Variants in KCNH7 observed in about 807,000 individuals in gnomAD.
The protein encoded by KCNH7 is potassium voltage-gated channel subfamily H member 7.
A neutral mutation model predicts 120.8 loss-of-function variants in KCNH7; 49 were observed. The observed-to-expected ratio is 0.41, with a 90% CI of 0.32 to 0.51. KCNH7 has a LOEUF of 0.51. Among genes scored for constraint, KCNH7 ranks in the 20% least tolerant of loss-of-function variants. KCNH7 has a pLI of 0.38. For missense variants in KCNH7, 1,097 were observed against 1,446.6 expected (o/e 0.76, Z 3.92); for synonymous variants, 547 against 516.1 (o/e 1.06, Z -0.81).
chr2:162,592,824 A>C (rs545917423), intron 2 of KCNH7, among the ~76,000 whole-genome samples: 3 of 152,104 alleles, frequency 2.0e-5, no homozygotes, highest in Non-Finnish European at 4.4e-5. Flanking sequence ...TTACAAATAG[A>C]AATGTGTATT....
chr2:162,508,721 G>T (rs1015977557), intron 5 of KCNH7, among the ~76,000 whole-genome samples: 5 of 151,416 alleles, frequency 3.3e-5, no homozygotes, highest in African/African-American at 4.8e-5. Flanking sequence ...CAGAATGCAG[G>T]GTTTCCTACC....
chr2:162,785,969 G>A (rs935798863), intron 2 of KCNH7, among the ~76,000 whole-genome samples: 23 of 152,024 alleles, frequency 1.5e-4, no homozygotes, highest in African/African-American at 5.3e-4. Flanking sequence ...TGGGCTGGGC[G>A]CGGTGGCTCA....
chr2:162,446,107 C>T lies in KCNH7; in HGVS notation c.1465G>A (p.Ala489Thr), dbSNP rs769362217. 3 of 1,613,858 alleles carry T rather than the reference C, an allele frequency of 1.9e-6. No individual in the cohort carries two copies. Among genetic ancestry groups the T allele is most frequent in the East Asian group, 2.2e-5 (1 of 44,862 alleles). The part of the protein sequence containing the change: ...EEVVSDPAKI[A>T]IHYFKGWFLI... ...AACCAGCCTTTGAAGTAGTGTATTGCTATTTTGGCGGGATCACTTACCACT... is the reference window on the plus strand; with the variant it reads ...AACCAGCCTTTGAAGTAGTGTATTGTTATTTTGGCGGGATCACTTACCACT... Residue 489 changes from alanine to threonine, a missense_variant, in exon 7 of 16, where the codon GCA becomes ACA. By Grantham distance (58) the Ala-to-Thr change is moderately conservative (BLOSUM62 0). Coordinates refer to ENST00000332142, the MANE Select transcript of KCNH7 (RefSeq NM_033272.4).
intron 14 of KCNH7, among the ~76,000 whole-genome samples, chr2:162,374,238 C>T (rs895022446): frequency 6.6e-6 from 1 of 152,082 alleles, no homozygotes; most frequent in African/African-American, 2.4e-5. Context: ...CTTAATATGT[C>T]ATGGCCTTTG....
chr2:162,671,940 C>A (rs1049933399), intron 2 of KCNH7, among the ~76,000 whole-genome samples: 12 of 151,882 alleles, frequency 7.9e-5, no homozygotes, highest in Non-Finnish European at 1.5e-4. Context: ...TATAAACATA[C>A]ATATAGTAAT....
intron 2 of KCNH7, among the ~76,000 whole-genome samples, chr2:162,807,232 G>A (rs1184308209): frequency 1.5e-5 from 1 of 66,668 alleles, no homozygotes; most frequent in Non-Finnish European, 2.8e-5. Flanking sequence ...CCAACATGGT[G>A]AAAACCCATC....
At chr2:162,606,004 AG>A (rs1682749941) in intron 2 of KCNH7, among the ~76,000 whole-genome samples, 1 of 152,094 alleles carries the variant, frequency 6.6e-6, no homozygotes, top group Non-Finnish European at 1.5e-5. Flanking sequence ...TTAGTATATT[AG>A]GGGGATGTAT....
At chr2:162,545,304 A>G (rs1249724987) in intron 2 of KCNH7, among the ~76,000 whole-genome samples, 1 of 152,202 alleles carries the variant, frequency 6.6e-6, no homozygotes, top group Non-Finnish European at 1.5e-5. Flanking sequence ...TTCTAAGTTT[A>G]TTTGACTCTG....
At chr2:162,627,812 C>A (rs1315534934) in intron 2 of KCNH7, among the ~76,000 whole-genome samples, 1 of 152,082 alleles carries the variant, frequency 6.6e-6, no homozygotes, top group African/African-American at 2.4e-5. Flanking sequence ...TGATTAAAAT[C>A]TTTAAGAAGG....
intron 14 of KCNH7, among the ~76,000 whole-genome samples, chr2:162,377,827 A>G (rs1477900617): frequency 6.6e-6 from 1 of 152,226 alleles, no homozygotes; most frequent in African/African-American, 2.4e-5. Context: ...ACATCAAAAG[A>G]GATTTAATTG....
At chr2:162,836,469 A>G (rs1266036197) in intron 2 of KCNH7, 68 bp downstream of exon 2, 2 of 1,271,018 alleles carry the variant, frequency 1.6e-6, no homozygotes, top group African/African-American at 1.5e-5. Context: ...TTGCATATGA[A>G]CTTTTAATAG....
At chr2:162,728,848 T>A (rs1687620310) in intron 2 of KCNH7, among the ~76,000 whole-genome samples, 1 of 152,156 alleles carries the variant, frequency 6.6e-6, no homozygotes, top group African/African-American at 2.4e-5. Flanking sequence ...TCATGGTAAT[T>A]TTGGTCTTAT....
intron 2 of KCNH7, among the ~76,000 whole-genome samples, chr2:162,628,046 A>G (rs536522981): frequency 6.6e-6 from 1 of 152,274 alleles, no homozygotes; most frequent in South Asian, 2.1e-4. Context: ...ATAGTAGAGG[A>G]ATATGTGTGT....
intron 2 of KCNH7, among the ~76,000 whole-genome samples, chr2:162,779,156 C>T (rs1390648450): frequency 6.6e-5 from 10 of 151,552 alleles, no homozygotes; most frequent in Admixed American, 1.3e-4. Context: ...TTAAGAAAAA[C>T]GACAGCATTT....
intron 2 of KCNH7, among the ~76,000 whole-genome samples, chr2:162,814,044 A>T (rs1684829371): frequency 6.6e-6 from 1 of 152,186 alleles, no homozygotes; most frequent in African/African-American, 2.4e-5. Context: ...GACAATGTGG[A>T]TCCTGGTTCT....
chr2:162,480,117 T>C (rs565842018), intron 6 of KCNH7, among the ~76,000 whole-genome samples: 9 of 152,252 alleles, frequency 5.9e-5, no homozygotes, highest in Middle Eastern at 3.4e-3. Context: ...AAAAATGGAG[T>C]TCAGGTTACT....
chr2:162,517,671 C>G, intron 4 of KCNH7, 59 bp downstream of exon 4: 2 of 1,329,622 alleles, frequency 1.5e-6, no homozygotes, highest in Non-Finnish European at 2.1e-6. Flanking sequence ...AAACAATATG[C>G]AAATAATCAT....
intron 9 of KCNH7, among the ~76,000 whole-genome samples, chr2:162,403,527 C>A (rs879679661): frequency 4.7e-4 from 71 of 151,902 alleles, no homozygotes; most frequent in Non-Finnish European, 6.6e-4. Context: ...TTTAAGGATG[C>A]TTCAGAAAGT....
chr2:162,633,283 G>A (rs557820832), intron 2 of KCNH7, among the ~76,000 whole-genome samples: 6 of 151,860 alleles, frequency 4.0e-5, no homozygotes, highest in African/African-American at 7.2e-5. Flanking sequence ...AAACTTGGCC[G>A]AAATAATCAG....
Sources: gnomAD v4.1 joint callset for allele counts (sites outside exome capture counted in the v4.1 genomes callset) on GRCh38, gnomAD v4.1.1 for gene constraint, MANE v1.5 for transcripts, NCBI Gene and HGNC (gene_info 2026-07-23, HGNC 2026-07-21) for gene names.